HPN: variants seen among roughly 807,000 people sequenced by gnomAD.
The protein encoded by HPN is hepsin.
In HPN, 13 loss-of-function variants were observed where a neutral mutation model predicts 55.9. That is an observed-to-expected ratio of 0.23 (90% CI 0.15 to 0.37). The LOEUF (loss-of-function observed/expected upper bound fraction) is 0.37, where lower values mean the gene tolerates loss of function less well. Ranked by LOEUF, HPN falls within the 10% of genes least tolerant of loss-of-function variation. HPN has a pLI of 1.00. For synonymous variants in HPN, 225 were observed against 240.3 expected (o/e 0.94, Z 0.59); for missense variants, 451 against 575.8 (o/e 0.78, Z 2.22).
Position 35,060,003 on chromosome 19 carries a change from A to G in HPN, c.413+7A>G. On this transcript the variant is annotated splice_region_variant and intron_variant, in intron 6 of 12. Coordinates refer to ENST00000672452, the MANE Select transcript of HPN (RefSeq NM_001384133.1). ...TGGAGGTCATCTCCGTGTGGTGAGG[A>G]GGGCAGCGGGCAGGTGGGGCAACAC... 3 of 1,592,252 alleles carry G rather than the reference A, an allele frequency of 1.9e-6. No homozygotes were observed. The highest frequency in any genetic ancestry group is 2.6e-6 in the Non-Finnish European group (3 of 1,168,104).
intron 8 of HPN, 48 bp from the exon 9 acceptor site, chr19:35,060,579 C>T (rs776435883): frequency 2.5e-5 from 41 of 1,611,540 alleles, no homozygotes; most frequent in Admixed American, 3.3e-5. Context: ...GGGAGGAGGG[C>T]GGATTGTGCC....
intron 2 of HPN, among the ~76,000 whole-genome samples, chr19:35,046,170 G>A (rs1358296146): frequency 6.6e-6 from 1 of 152,196 alleles, no homozygotes; most frequent in African/African-American, 2.4e-5. Flanking sequence ...CAGTAGTTGG[G>A]CTGGTCTGGC....
rs113671172 is a variant in HPN, at chr19:35,056,583, C to A, written c.161-3090C>A. 7.9e-5 allele frequency among the ~76,000 whole-genome samples: 12 copies of A among 152,156 alleles called. No individual in the cohort carries two copies. The East Asian group carries it at 2.3e-3, about 29-fold the overall frequency. ...CCAGCCCCAGACATGAACAGTCTCC[C>A]GGGAGCTCCCTCTAGCCTTCTCGTA... On this transcript the variant is annotated intron_variant, in intron 4 of 12. Coordinates refer to ENST00000672452, the MANE Select transcript of HPN (RefSeq NM_001384133.1).
At chr19:35,048,024 G>GAAAA (rs1452579116) in intron 2 of HPN, among the ~76,000 whole-genome samples, 1 of 65,052 alleles carries the variant, frequency 1.5e-5, no homozygotes, top group East Asian at 6.2e-4. Flanking sequence ...GAGAGAGAGA[G>GAAAA]AGAAAAAGAA....
At chr19:35,052,893 G>A (rs1167587364) in intron 4 of HPN, among the ~76,000 whole-genome samples, 1 of 152,264 alleles carries the variant, frequency 6.6e-6, no homozygotes, top group African/African-American at 2.4e-5. Flanking sequence ...GGAAAGGAGC[G>A]AGGCCACCAC....
Position 35,041,730 on chromosome 19 carries a change from G to C in HPN, c.-197G>C. On this transcript the variant is annotated 5_prime_UTR_variant, in exon 1 of 13. Coordinates refer to ENST00000672452, the MANE Select transcript of HPN (RefSeq NM_001384133.1). Reference sequence around the variant, plus strand: ...AGCCCCCTCCTCCTCAGGTGAGGCAGCCTGGCCTAGCAGGCCCCACGCCAC... The same window carrying C: ...AGCCCCCTCCTCCTCAGGTGAGGCACCCTGGCCTAGCAGGCCCCACGCCAC... 1 of 1,204,686 alleles carries C rather than the reference G, an allele frequency of 8.3e-7. No individual in the cohort carries two copies. Among genetic ancestry groups the C allele is most frequent in the South Asian group, 1.4e-5 (1 of 73,176 alleles). 74.6% of individuals were successfully genotyped at this position (1,204,686 alleles called of 1,614,324 possible). A position where few individuals can be genotyped will look rare whatever the true frequency, so the allele number is the denominator to read the frequency against.
intron 2 of HPN, among the ~76,000 whole-genome samples, chr19:35,044,781 T>C (rs1433361809): frequency 1.3e-5 from 2 of 152,000 alleles, no homozygotes; most frequent in Non-Finnish European, 2.9e-5. Context: ...GAGGGTTCTA[T>C]AGGTAAAGAG....
intron 4 of HPN, among the ~76,000 whole-genome samples, chr19:35,051,589 C>T (rs1312219733): frequency 2.6e-5 from 4 of 152,064 alleles, no homozygotes; most frequent in African/African-American, 9.7e-5. Flanking sequence ...GAGTGACTTG[C>T]CCCAGGTCAT....
At chr19:35,044,892 A>G (rs554067253) in intron 2 of HPN, among the ~76,000 whole-genome samples, 1 of 152,162 alleles carries the variant, frequency 6.6e-6, no homozygotes, top group South Asian at 2.1e-4. Flanking sequence ...GGGCCGGAGC[A>G]AGGTGCAGAT....
At chr19:35,061,467 G>A (rs2064531509) in intron 9 of HPN, among the ~76,000 whole-genome samples, 3 of 152,160 alleles carry the variant, frequency 2.0e-5, no homozygotes, top group Middle Eastern at 3.4e-3. Context: ...GGTGGCACAC[G>A]CCTGTAATCC....
chr19:35,053,641 A>T (rs912161943), intron 4 of HPN, among the ~76,000 whole-genome samples: 1 of 152,206 alleles, frequency 6.6e-6, no homozygotes, highest in African/African-American at 2.4e-5. Context: ...GCTATTTGGG[A>T]GGCTGAGGCA....
intron 9 of HPN, among the ~76,000 whole-genome samples, chr19:35,064,632 C>A (rs983454723): frequency 1.3e-5 from 2 of 151,974 alleles, no homozygotes; most frequent in African/African-American, 2.4e-5. Flanking sequence ...GAAATGAAAA[C>A]AAGCTGTGTT....
Position 35,060,208 on chromosome 19 carries a change from T to C in HPN, c.454+39T>C, listed in dbSNP as rs780133398. 42 of 1,612,768 alleles carry C rather than the reference T, an allele frequency of 2.6e-5. 1 individual carries two copies. The South Asian group carries it at 4.0e-4, about 15-fold the overall frequency. Reference sequence around the variant, plus strand: ...ACTCAGAACCCTCTCCTTTAGGCCCTTGGGGAGGCCACGTCCCCTCAAGCT... The same window carrying C: ...ACTCAGAACCCTCTCCTTTAGGCCCCTGGGGAGGCCACGTCCCCTCAAGCT... On this transcript the variant is annotated intron_variant, in intron 7 of 12. Transcript: ENST00000672452.
Position 35,041,722 on chromosome 19 carries a change from G to A in HPN, c.-205G>A. 8.5e-7 allele frequency: 1 copy of A among 1,182,238 alleles called. No individual in the cohort carries two copies. Among genetic ancestry groups the A allele is most frequent in the African/African-American group, 1.8e-5 (1 of 56,822 alleles). 73.2% of individuals were successfully genotyped at this position (1,182,238 alleles called of 1,614,324 possible). On this transcript the variant is annotated 5_prime_UTR_variant, in exon 1 of 13. The change creates a new upstream start codon in the 5' untranslated region. Coordinates refer to ENST00000672452, the MANE Select transcript of HPN (RefSeq NM_001384133.1). ...CCTCGCCCAGCCCCCTCCTCCTCAGGTGAGGCAGCCTGGCCTAGCAGGCCC... is the reference window on the plus strand; with the variant it reads ...CCTCGCCCAGCCCCCTCCTCCTCAGATGAGGCAGCCTGGCCTAGCAGGCCC...
chr19:35,045,407 C>T (rs1032654030), intron 2 of HPN, among the ~76,000 whole-genome samples: 6 of 152,056 alleles, frequency 3.9e-5, no homozygotes, highest in Admixed American at 6.6e-5. Context: ...AGATGAGGCC[C>T]GAGACACGGA....
At chr19:35,048,893 G>T (rs747196611) in intron 2 of HPN, among the ~76,000 whole-genome samples, 1 of 152,164 alleles carries the variant, frequency 6.6e-6, no homozygotes, top group Non-Finnish European at 1.5e-5. Context: ...AAATGCCAGC[G>T]GCAGGGAAGA....
rs759425027 is a variant in HPN, at chr19:35,065,491, G to T, written c.908-48G>T. On this transcript the variant is annotated intron_variant, in intron 10 of 12. Coordinates refer to ENST00000672452, the MANE Select transcript of HPN (RefSeq NM_001384133.1). ...GGGGTGGGCACCAGGAGGGAAGGGG[G>T]GTGTGTACACCCCCCAGCTCTGGCC... 22 of 1,603,994 alleles carry T rather than the reference G, an allele frequency of 1.4e-5. No individual in the cohort carries two copies. In the East Asian group the frequency reaches 2.0e-4, roughly 15 times the overall value.
chr19:35,059,861 C>G lies in HPN; in HGVS notation c.291-13C>G, dbSNP rs2064506361. 1 of 1,500,806 alleles carries G rather than the reference C, an allele frequency of 6.7e-7. No individual in the cohort carries two copies. Among genetic ancestry groups the G allele is most frequent in the African/African-American group, 1.4e-5 (1 of 72,008 alleles). The allele number at this position is 1,500,806 out of a possible 1,614,324, so 93.0% of individuals were successfully genotyped here. ...AGGGGCTGGGGAGCAGGCCTAACCCCTGCCCCGCCCAGGGCACTGACCCAC... is the reference window on the plus strand; with the variant it reads ...AGGGGCTGGGGAGCAGGCCTAACCCGTGCCCCGCCCAGGGCACTGACCCAC... On this transcript the variant is annotated splice_polypyrimidine_tract_variant and intron_variant, in intron 5 of 12. Transcript: ENST00000672452.
intron 2 of HPN, among the ~76,000 whole-genome samples, chr19:35,045,028 G>A (rs2064328281): frequency 1.3e-5 from 2 of 152,112 alleles, no homozygotes; most frequent in South Asian, 4.2e-4. Context: ...GGACCGGGAG[G>A]AAGAATATAC....
Sources: gnomAD v4.1 joint callset for allele counts (sites outside exome capture counted in the v4.1 genomes callset) on GRCh38, gnomAD v4.1.1 for gene constraint, MANE v1.5 for transcripts, NCBI Gene and HGNC (gene_info 2026-07-23, HGNC 2026-07-21) for gene names.